STPG1: variants seen among roughly 807,000 people sequenced by gnomAD.
STPG1 encodes O(6)-methylguanine-induced apoptosis 2.
Under a neutral mutation model 40.1 loss-of-function variants are expected in STPG1, and 33 were observed. The ratio of observed to expected loss-of-function variants is 0.82; its 90% CI spans 0.62 to 1.10. The LOEUF (loss-of-function observed/expected upper bound fraction) is 1.10. STPG1 is among the 50% of genes least tolerant of loss of function. STPG1 has a pLI of 0.00. For missense variants in STPG1, 396 were observed against 415.1 expected, an observed-to-expected ratio of 0.95 and a Z score of 0.40; for synonymous variants, 150 against 155.0, an observed-to-expected ratio of 0.97 and a Z score of 0.24.
chr1:24,379,792 T>C lies in STPG1; in HGVS notation c.323A>G (p.Tyr108Cys), dbSNP rs1366169164. 1.2e-6 allele frequency: 2 copies of C among 1,614,088 alleles called. No individual in the cohort carries two copies. The highest frequency in any genetic ancestry group is 2.2e-5 in the East Asian group (1 of 44,886). The change falls in exon 5 of 9, where the codon TAC becomes TGC. Residue 108 changes from tyrosine (Y) to cysteine (C), a missense_variant. Tyr to Cys is a radical substitution (Grantham distance 194). Coordinates refer to ENST00000337248, the MANE Select transcript of STPG1 (RefSeq NM_001199013.2). ...CARLDTIISK[Y>C]PAANAYTIPS... ...GATAGTGTATGCATTCGCTGCAGGG[T>C]ATTTAGAAATGATGGTGTCCAATCG...
chr1:24,400,443 T>A (rs922007352), intron 2 of STPG1, among the ~76,000 whole-genome samples: 2 of 152,196 alleles, frequency 1.3e-5, no homozygotes, highest in African/African-American at 4.8e-5. Context: ...ATTCCATAGG[T>A]GGTGTTTTCT....
At chr1:24,389,477 A>T (rs916474444) in intron 3 of STPG1, among the ~76,000 whole-genome samples, 6 of 152,150 alleles carry the variant, frequency 3.9e-5, no homozygotes, top group Non-Finnish European at 5.9e-5. Flanking sequence ...TTCAACATTG[A>T]TTCAGCAAAC....
chr1:24,373,099 G>A (rs12034846), intron 6 of STPG1, among the ~76,000 whole-genome samples: 54,080 of 151,918 alleles, frequency 0.36, 9,736 homozygotes, highest in East Asian at 0.45. Flanking sequence ...TACTGGCTGT[G>A]TGACACTGGG....
At chr1:24,397,304 C>A (rs1347715386) in intron 2 of STPG1, among the ~76,000 whole-genome samples, 1 of 152,124 alleles carries the variant, frequency 6.6e-6, no homozygotes, top group East Asian at 1.9e-4. Context: ...ATATATGAAA[C>A]CTGAACAAAA....
intron 7 of STPG1, chr1:24,364,224 C>T (rs141931022): frequency 3.2e-6 from 5 of 1,544,462 alleles, no homozygotes; most frequent in Non-Finnish European, 4.4e-6. Flanking sequence ...CTCGCCACCC[C>T]CCACCTGACT....
At position 24,396,628 on chromosome 1, in the gene STPG1, G is replaced by A. The variant is rs181047936; in HGVS notation, c.70+4691C>T. Among the ~76,000 whole-genome samples the A allele has an allele frequency of 1.3e-3, 204 of 152,270 alleles. 1 individual carries two copies. The highest frequency in any genetic ancestry group is 2.3e-3 in the Non-Finnish European group (158 of 68,030). On this transcript the variant is annotated intron_variant, in intron 2 of 8. Transcript: ENST00000337248. ...CTTTATTAATAGAAATAGGCAGTGG[G>A]TCAGATTTGGTCCAAGGAGCAAAGT...
At chr1:24,398,215 C>CTGTATATCTTTT (rs1553126493) in intron 2 of STPG1, among the ~76,000 whole-genome samples, 2 of 152,038 alleles carry the variant, frequency 1.3e-5, no homozygotes, top group Non-Finnish European at 2.9e-5. Context: ...TATTTTCCCT[C>CTGTATATCTTTT]TGTATATCTT....
At chr1:24,392,480 C>T (rs1004203947) in intron 2 of STPG1, among the ~76,000 whole-genome samples, 10 of 152,204 alleles carry the variant, frequency 6.6e-5, no homozygotes, top group African/African-American at 1.2e-4. Flanking sequence ...ACTGGGCAAG[C>T]GGATGAGAAA....
chr1:24,394,781 T>A (rs1383325051), intron 2 of STPG1, among the ~76,000 whole-genome samples: 5 of 151,224 alleles, frequency 3.3e-5, no homozygotes, highest in Non-Finnish European at 5.9e-5. Flanking sequence ...CTATACAAAA[T>A]AAAACAGAAA....
chr1:24,387,927 A>G (rs775166979), intron 3 of STPG1, among the ~76,000 whole-genome samples: 7 of 152,226 alleles, frequency 4.6e-5, no homozygotes, highest in African/African-American at 1.4e-4. Context: ...GTCTAGTGTC[A>G]TATCAAGTTA....
rs1173010655 is a variant in STPG1, at chr1:24,377,437, C to T, written c.462+2216G>A. Among the ~76,000 whole-genome samples the T allele has an allele frequency of 2.6e-5, 4 of 152,110 alleles. No individual in the cohort carries two copies. The East Asian group carries it at 7.7e-4, about 29-fold the overall frequency. ...GCTCATCCTACACTAGCCACTCAAC[C>T]TTCCTGAAGGTCCTCGTGGGCTGGG... On this transcript the variant is annotated intron_variant, in intron 5 of 8. Coordinates refer to ENST00000337248, the MANE Select transcript of STPG1 (RefSeq NM_001199013.2).
chr1:24,389,269 G>A (rs914897701), intron 3 of STPG1, among the ~76,000 whole-genome samples: 1 of 152,082 alleles, frequency 6.6e-6, no homozygotes, highest in Non-Finnish European at 1.5e-5. Context: ...TAGATCACGG[G>A]GAATGGGGCC....
intron 2 of STPG1, among the ~76,000 whole-genome samples, chr1:24,398,279 T>C (rs943118285): frequency 1.3e-5 from 2 of 152,106 alleles, no homozygotes; most frequent in Non-Finnish European, 2.9e-5. Context: ...TCATAAGATC[T>C]AATATCCTTT....
chr1:24,382,492 G>A (rs900989460), intron 4 of STPG1, among the ~76,000 whole-genome samples: 7 of 152,164 alleles, frequency 4.6e-5, no homozygotes, highest in Admixed American at 6.5e-5. Flanking sequence ...TTGAGGTCAC[G>A]TCAAGAATCC....
intron 3 of STPG1, among the ~76,000 whole-genome samples, chr1:24,390,001 C>T (rs1309120010): frequency 1.3e-5 from 2 of 152,206 alleles, no homozygotes; most frequent in Non-Finnish European, 2.9e-5. Context: ...AAGGAGGAAT[C>T]AGGCTGAGGG....
At chr1:24,389,742 A>G (rs956523457) in intron 3 of STPG1, among the ~76,000 whole-genome samples, 1 of 152,196 alleles carries the variant, frequency 6.6e-6, no homozygotes, top group Admixed American at 6.5e-5. Context: ...ATTATCATTA[A>G]ATTGACAAAT....
At chr1:24,373,865 G>A (rs925389211) in intron 5 of STPG1, 55 bp from the exon 6 acceptor site, 23 of 1,293,030 alleles carry the variant, frequency 1.8e-5, no homozygotes, top group South Asian at 1.1e-4. Flanking sequence ...CTTTGTCTTC[G>A]TCATCATGCC....
chr1:24,358,969 G>T (rs914393977), intron 8 of STPG1, among the ~76,000 whole-genome samples: 1 of 152,156 alleles, frequency 6.6e-6, no homozygotes, highest in Non-Finnish European at 1.5e-5. Context: ...CTAGTTCAGG[G>T]GTTTCCATAA....
chr1:24,386,077 A>C (rs1353661589), intron 3 of STPG1, among the ~76,000 whole-genome samples: 1 of 152,236 alleles, frequency 6.6e-6, no homozygotes, highest in Non-Finnish European at 1.5e-5. Flanking sequence ...ACAAAATGCA[A>C]GACCTAAATG....
Sources: allele counts gnomAD v4.1 joint callset (sites outside exome capture counted in the v4.1 genomes callset), GRCh38; gene constraint gnomAD v4.1.1; transcripts MANE v1.5; gene names NCBI Gene and HGNC (gene_info 2026-07-23, HGNC 2026-07-21).